Variants in FBXO15 observed in about 807,000 individuals in gnomAD.
FBXO15 encodes the protein F-box only protein 15.
In FBXO15, 30 loss-of-function variants were observed where a neutral mutation model predicts 49.5. The observed-to-expected ratio is 0.61, with a 90% CI of 0.45 to 0.82. The LOEUF (loss-of-function observed/expected upper bound fraction) is 0.82, where lower values mean the gene tolerates loss of function less well. Among genes scored for constraint, FBXO15 ranks in the 40% least tolerant of loss-of-function variants. FBXO15 has a pLI of 0.00. For missense variants in FBXO15, 591 were observed against 631.5 expected (o/e 0.94, Z 0.69); for synonymous variants, 250 against 232.7 (o/e 1.07, Z -0.68).
At chr18:74,109,760 G>T (rs76512517) in intron 8 of FBXO15, among the ~76,000 whole-genome samples, 6 of 151,756 alleles carry the variant, frequency 4.0e-5, no homozygotes, top group Non-Finnish European at 8.8e-5. Context: ...GTTCTCACTC[G>T]TAGGTGGGAG....
intron 3 of FBXO15, among the ~76,000 whole-genome samples, chr18:74,133,961 G>A (rs550848193): frequency 6.6e-6 from 1 of 152,276 alleles, no homozygotes. Context: ...ATTTCAACAT[G>A]AGGCTTGGGG....
chr18:74,123,386 T>G lies in FBXO15; in HGVS notation c.1120A>C (p.Asn374His). 1 of 1,609,466 alleles carries G rather than the reference T, an allele frequency of 6.2e-7. No individual in the cohort carries two copies. The highest frequency in any genetic ancestry group is 1.3e-5 in the African/African-American group (1 of 74,736). ...GVFYLCGTFR[N>H]LFTKRGNIEN... is the part of the protein sequence containing the mutation. ...ATTTCACCTCTCTTGGTGAAGAGAT[T>G]GCGAAATGTACCACATAGGTAGAAA... Residue 374 changes from asparagine to histidine, a missense_variant, in exon 8 of 10, where the codon AAT becomes CAT. By Grantham distance (68) the Asn-to-His change is moderately conservative. Coordinates refer to ENST00000419743, the MANE Select transcript of FBXO15 (RefSeq NM_001142958.2).
intron 9 of FBXO15, among the ~76,000 whole-genome samples, chr18:74,081,473 T>C (rs1912493739): frequency 6.6e-6 from 1 of 152,222 alleles, no homozygotes; most frequent in African/African-American, 2.4e-5. Flanking sequence ...TAATCTTTAT[T>C]TAACAGTTCA....
chr18:74,093,144 C>T (rs1461672757), intron 8 of FBXO15, among the ~76,000 whole-genome samples: 1 of 151,252 alleles, frequency 6.6e-6, no homozygotes, highest in African/African-American at 2.4e-5. Context: ...ACAACAGCAA[C>T]AGGCGGGTGG....
intron 1 of FBXO15, among the ~76,000 whole-genome samples, chr18:74,142,158 G>A (rs1168421244): frequency 6.6e-6 from 1 of 152,108 alleles, no homozygotes; most frequent in Non-Finnish European, 1.5e-5. Flanking sequence ...TGACTTTCTA[G>A]CCAATGGTTT....
In FBXO15 at chr18:74,145,446, CAA is replaced by C. The variant is rs1202238426; in HGVS notation, c.116+2222_116+2223del. On this transcript the variant is annotated intron_variant, in intron 1 of 9. Coordinates refer to ENST00000419743, the MANE Select transcript of FBXO15 (RefSeq NM_001142958.2). The stretch of plus-strand genomic sequence containing the variant: ...GAAACTTAAGGTCCCAAGCTAGAAG[CAA>C]AGACAGTCTCTGAGACGCCCATCTC... Among the ~76,000 whole-genome samples the C allele has an allele frequency of 3.9e-5, 6 of 152,256 alleles. No homozygotes were observed. In the East Asian group the frequency reaches 1.2e-3, roughly 29 times the overall value.
chr18:74,114,049 C>T (rs191914231), intron 8 of FBXO15, among the ~76,000 whole-genome samples: 321 of 152,316 alleles, frequency 2.1e-3, no homozygotes, highest in Non-Finnish European at 3.1e-3. Flanking sequence ...GGAGTGTTCT[C>T]ACCCACCATT....
chr18:74,082,083 T>C, intron 8 of FBXO15, 32 bp from the exon 9 acceptor site: 1 of 1,602,004 alleles, frequency 6.2e-7, no homozygotes, highest in Non-Finnish European at 8.5e-7. Context: ...TCAATCACTG[T>C]CTTCCAGTGC....
At chr18:74,132,402 A>G (rs1308610915) in intron 3 of FBXO15, among the ~76,000 whole-genome samples, 2 of 152,234 alleles carry the variant, frequency 1.3e-5, no homozygotes, top group African/African-American at 2.4e-5. Context: ...TACATGTGTT[A>G]GCACTTACCA....
intron 8 of FBXO15, among the ~76,000 whole-genome samples, chr18:74,112,167 G>T (rs185120168): frequency 8.5e-5 from 13 of 152,194 alleles, no homozygotes; most frequent in African/African-American, 3.1e-4. Context: ...GAAGCAAAGG[G>T]AATACTTGCT....
chr18:74,145,683 C>T (rs1979367406), intron 1 of FBXO15, among the ~76,000 whole-genome samples: 1 of 149,800 alleles, frequency 6.7e-6, no homozygotes, highest in Non-Finnish European at 1.5e-5. Flanking sequence ...CTGCAAGCTC[C>T]GCCTCCTGGG....
intron 1 of FBXO15, 38 bp downstream of exon 1, chr18:74,147,632 T>TC: frequency 7.3e-7 from 1 of 1,371,402 alleles, no homozygotes; most frequent in South Asian, 1.7e-5. Flanking sequence ...GTGACGGGCT[T>TC]CCCGCCAGGG....
Position 74,073,530 on chromosome 18 carries a change from G to T in FBXO15, c.1464C>A (p.Tyr488Ter), listed in dbSNP as rs752424987. 1.9e-6 allele frequency: 3 copies of T among 1,614,046 alleles called. No homozygotes were observed. The highest frequency in any genetic ancestry group is 8.5e-7 in the Non-Finnish European group (1 of 1,179,986). The change falls in exon 10 of 10, where the codon TAC becomes TAA. Residue 488 changes from tyrosine (Y) to a stop codon, truncating the protein, a stop_gained. Coordinates refer to ENST00000419743, the MANE Select transcript of FBXO15 (RefSeq NM_001142958.2). LOFTEE classifies it high-confidence loss of function. ...GATAAAGGACCAGGTTGACAATAAG[G>T]TATTCTTCGGTCTCTCTGATCCACA... ...ELVWIRETEEYLIVNLVLYLS... is the reference protein window; with the variant it reads ...ELVWIRETEE
At chr18:74,143,413 G>A (rs1390371607) in intron 1 of FBXO15, among the ~76,000 whole-genome samples, 1 of 152,114 alleles carries the variant, frequency 6.6e-6, no homozygotes, top group African/African-American at 2.4e-5. Context: ...CAAAGAAACA[G>A]GCATCCTCAT....
intron 8 of FBXO15, among the ~76,000 whole-genome samples, chr18:74,095,891 T>C (rs966893012): frequency 6.6e-6 from 1 of 152,166 alleles, no homozygotes; most frequent in African/African-American, 2.4e-5. Context: ...GCTAAGATTA[T>C]CACCAGAAAT....
intron 8 of FBXO15, among the ~76,000 whole-genome samples, chr18:74,086,522 G>A (rs773794680): frequency 4.6e-5 from 7 of 152,036 alleles, no homozygotes; most frequent in Non-Finnish European, 8.8e-5. Flanking sequence ...TCTGCCTCCT[G>A]GGTTCAGCCC....
chr18:74,118,411 C>T (rs1276826328), intron 8 of FBXO15, among the ~76,000 whole-genome samples: 2 of 126,662 alleles, frequency 1.6e-5, no homozygotes, highest in Admixed American at 7.9e-5. Context: ...CACATATATA[C>T]ACATATATAT....
intron 1 of FBXO15, among the ~76,000 whole-genome samples, chr18:74,145,216 C>A (rs982018205): frequency 2.0e-5 from 3 of 152,208 alleles, no homozygotes; most frequent in African/African-American, 7.2e-5. Flanking sequence ...ATCATATACT[C>A]TGCACAAGGT....
intron 8 of FBXO15, among the ~76,000 whole-genome samples, chr18:74,101,193 A>C (rs1031650130): frequency 3.0e-4 from 46 of 152,186 alleles, no homozygotes; most frequent in Admixed American, 2.6e-4. Flanking sequence ...CAACATATCA[A>C]AAAGATAATC....
Sources: allele counts gnomAD v4.1 joint callset (sites outside exome capture counted in the v4.1 genomes callset), GRCh38; gene constraint gnomAD v4.1.1; transcripts MANE v1.5; gene names NCBI Gene and HGNC (gene_info 2026-07-23, HGNC 2026-07-21).